Variants in LMBR1 observed in about 807,000 individuals in gnomAD.
LMBR1 encodes the protein limb development membrane protein 1.
In LMBR1, 52 loss-of-function variants were observed where a neutral mutation model predicts 73.9. That is an observed-to-expected ratio of 0.70 (90% CI 0.56 to 0.89). The LOEUF is 0.89. LMBR1 is among the 40% of genes least tolerant of loss of function. The probability of loss-of-function intolerance (pLI) is 0.00; values close to 1 mark genes in which losing one functional copy is unlikely to be tolerated. For synonymous variants in LMBR1, 215 were observed against 209.4 expected (o/e 1.03, Z -0.23); for missense variants, 539 against 579.8 (o/e 0.93, Z 0.72).
chr7:156,673,650 C>G (rs931389973), downstream of LMBR1, among the ~76,000 whole-genome samples: 3 of 152,282 alleles, frequency 2.0e-5, no homozygotes, highest in African/African-American at 7.2e-5. Flanking sequence ...AAACCCCAAC[C>G]CTTGTGGACT....
At chr7:156,777,217 C>T (rs966244310) in intron 5 of LMBR1, among the ~76,000 whole-genome samples, 4 of 152,146 alleles carry the variant, frequency 2.6e-5, no homozygotes, top group African/African-American at 9.7e-5. Context: ...TTACAGGCAT[C>T]AGTCACCACG....
At chr7:156,730,294 G>A (rs565669938) in intron 10 of LMBR1, among the ~76,000 whole-genome samples, 7 of 152,352 alleles carry the variant, frequency 4.6e-5, no homozygotes, top group Non-Finnish European at 1.0e-4. Flanking sequence ...CTATGAGGCT[G>A]AGAAGCCAAG....
At chr7:156,765,533 C>A (rs1159507226) in intron 5 of LMBR1, among the ~76,000 whole-genome samples, 2 of 152,168 alleles carry the variant, frequency 1.3e-5, no homozygotes, top group Non-Finnish European at 2.9e-5. Context: ...AGACAGAAAA[C>A]AGACTAATAC....
chr7:156,838,380 C>A (rs760516371), intron 1 of LMBR1, among the ~76,000 whole-genome samples: 7 of 152,158 alleles, frequency 4.6e-5, no homozygotes, highest in Non-Finnish European at 1.0e-4. Context: ...AGCCCCCACC[C>A]CTAGTCCCTG....
chr7:156,790,488 G>C (rs80323314), intron 5 of LMBR1, among the ~76,000 whole-genome samples: 1 of 151,922 alleles, frequency 6.6e-6, no homozygotes, highest in African/African-American at 2.4e-5. Flanking sequence ...TTTTGCCACT[G>C]TTATGCAAAT....
intron 9 of LMBR1, among the ~76,000 whole-genome samples, chr7:156,738,135 C>T (rs115345195): frequency 0.011 from 1,732 of 152,268 alleles, 36 homozygotes; most frequent in African/African-American, 0.039. Flanking sequence ...CCCCCAGCAG[C>T]GGCCGTGTAG....
rs77506180 is a variant in LMBR1, at chr7:156,721,928, C to T, written c.1225+2184G>A. ...CACACCATGTACTTAAATCTAAAGC[C>T]TGCGATGCATCAACAATAATAGTGG... On this transcript the variant is annotated intron_variant, in intron 15 of 16. Transcript: ENST00000353442. Among the ~76,000 whole-genome samples, 431 of 152,024 alleles carry T rather than the reference C, an allele frequency of 2.8e-3. 13 individuals carry two copies. In the East Asian group the frequency reaches 0.063, roughly 22 times the overall value.
chr7:156,791,787 G>C (rs905578289), intron 5 of LMBR1, among the ~76,000 whole-genome samples: 2 of 152,266 alleles, frequency 1.3e-5, no homozygotes, highest in East Asian at 1.9e-4. Context: ...GCCATTCAGG[G>C]ATGTCTGGAT....
chr7:156,684,887 G>A (rs1805687597), intron 16 of LMBR1, among the ~76,000 whole-genome samples: 1 of 152,184 alleles, frequency 6.6e-6, no homozygotes, highest in African/African-American at 2.4e-5. Context: ...AGCTCAGCAG[G>A]TTGTGACTGC....
intron 5 of LMBR1, among the ~76,000 whole-genome samples, chr7:156,790,629 T>C (rs1238083684): frequency 1.3e-5 from 2 of 151,958 alleles, no homozygotes; most frequent in Non-Finnish European, 2.9e-5. Flanking sequence ...AGTGATGTTT[T>C]TAAAAAAAGC....
At chr7:156,796,344 A>T in intron 5 of LMBR1, 45 bp downstream of exon 5, 1 of 1,274,940 alleles carries the variant, frequency 7.8e-7, no homozygotes, top group Non-Finnish European at 1.1e-6. Flanking sequence ...AATGATATTT[A>T]ATTCCTCACT....
In LMBR1 at chr7:156,782,824, A is replaced by T. The variant is rs572923472; in HGVS notation, c.423+13565T>A. Among the ~76,000 whole-genome samples the T allele has an allele frequency of 3.0e-4, 46 of 152,286 alleles. 1 individual carries two copies. The South Asian group carries it at 6.4e-3, about 21-fold the overall frequency. ...CTTCCCAAAATGGAGGGATTACAGG[A>T]ATGAGCCACTGGGCCTAGCCTCATT... On this transcript the variant is annotated intron_variant, in intron 5 of 16. Coordinates refer to ENST00000353442, the MANE Select transcript of LMBR1 (RefSeq NM_022458.4).
intron 5 of LMBR1, among the ~76,000 whole-genome samples, chr7:156,793,890 C>T (rs1471746921): frequency 6.6e-6 from 1 of 152,138 alleles, no homozygotes; most frequent in Non-Finnish European, 1.5e-5. Context: ...AGCAACCCCG[C>T]GGTTTAGATG....
chr7:156,688,016 A>T lies in LMBR1; in HGVS notation c.1387+14T>A. On this transcript the variant is annotated intron_variant, in intron 16 of 16. Transcript: ENST00000353442. ...GTAGAAAGAGGAAAAAATACCCATA[A>T]ACCTCAGGATTACCTAGGGCCTTGA... 6.4e-7 allele frequency: 1 copy of T among 1,556,142 alleles called. No homozygotes were observed. The highest frequency in any genetic ancestry group is 8.6e-7 in the Non-Finnish European group (1 of 1,157,522).
At chr7:156,850,752 G>A (rs1796123529) in intron 1 of LMBR1, among the ~76,000 whole-genome samples, 1 of 152,180 alleles carries the variant, frequency 6.6e-6, no homozygotes, top group Admixed American at 6.5e-5. Flanking sequence ...ATATAAAGAT[G>A]TTCACTTTTC....
At chr7:156,687,702 T>C (rs1173297501) in intron 16 of LMBR1, among the ~76,000 whole-genome samples, 2 of 152,196 alleles carry the variant, frequency 1.3e-5, no homozygotes, top group African/African-American at 4.8e-5. Context: ...CGTATCATCC[T>C]CACCACCACC....
chr7:156,821,326 G>A (rs1377016528), intron 4 of LMBR1, among the ~76,000 whole-genome samples: 1 of 152,166 alleles, frequency 6.6e-6, no homozygotes, highest in African/African-American at 2.4e-5. Context: ...ATCAGCTGAC[G>A]GAGGAAGACC....
rs560637375 is a variant in LMBR1 at position 156,784,773 on chromosome 7, G to A, written c.423+11616C>T. ...CTGCATTGCTCTCTACTTCCTCCAA[G>A]GTAACTCTAACTCTACACAGATGTA... is the stretch of plus-strand genomic sequence containing the variant. On this transcript the variant is annotated intron_variant, in intron 5 of 16. Transcript: ENST00000353442. Among the ~76,000 whole-genome samples the A allele has an allele frequency of 5.3e-5, 8 of 152,228 alleles. No individual in the cohort carries two copies. In the South Asian group the frequency reaches 1.7e-3, roughly 32 times the overall value.
rs573944388 is a variant in LMBR1, at chr7:156,750,323, T to C, written c.757+6070A>G. The stretch of plus-strand genomic sequence containing the variant: ...GTGTGTGTGTGTGTGTGTATCCTCT[T>C]AATGCTAGGAAGGAATTACAAAAGA... On this transcript the variant is annotated intron_variant, in intron 9 of 16. Coordinates refer to ENST00000353442, the MANE Select transcript of LMBR1 (RefSeq NM_022458.4). Among the ~76,000 whole-genome samples, 15 of 151,978 alleles carry C rather than the reference T, an allele frequency of 9.9e-5. No individual in the cohort carries two copies. In the East Asian group the frequency reaches 2.7e-3, roughly 28 times the overall value.
Sources: allele counts gnomAD v4.1 joint callset (sites outside exome capture counted in the v4.1 genomes callset), GRCh38; gene constraint gnomAD v4.1.1; transcripts MANE v1.5; gene names NCBI Gene and HGNC (gene_info 2026-07-23, HGNC 2026-07-21).